Variants in MYO1E observed in about 807,000 individuals in gnomAD.
MYO1E encodes the protein myosin IE.
A neutral mutation model predicts 151.1 loss-of-function variants in MYO1E; 68 were observed. That is an observed-to-expected ratio of 0.45 (90% CI 0.37 to 0.55). MYO1E has a LOEUF of 0.55. Among genes scored for constraint, MYO1E ranks in the 20% least tolerant of loss-of-function variants. The probability of loss-of-function intolerance (pLI) is 0.00; values close to 1 mark genes in which losing one functional copy is unlikely to be tolerated. For synonymous variants in MYO1E, 601 were observed against 501.7 expected (o/e 1.20, Z -2.64); for missense variants, 1,363 against 1,389.3 (o/e 0.98, Z 0.30).
chr15:59,208,268 T>C (rs1430885893), intron 14 of MYO1E: 1 of 608,690 alleles, frequency 1.6e-6, no homozygotes, highest in Non-Finnish European at 2.8e-6. Context: ...ACGATACTTA[T>C]TTACAATTCC....
In MYO1E at chr15:59,208,749, G is replaced by A. The variant is rs1244327750; in HGVS notation, c.1462C>T (p.Gln488Ter). ...DQTLLQKLQM[Q>*]IGSHEHFNSW... ...TTGAAGTGCTCATGACTCCCAATCT[G>A]CATCTGAAGTTTCTGGAGCAGCGTC... The change falls in exon 14 of 28, where the codon CAG becomes TAG. Residue 488 changes from glutamine (Q) to a stop codon, truncating the protein, a stop_gained. Coordinates refer to ENST00000288235, the MANE Select transcript of MYO1E (RefSeq NM_004998.4). LOFTEE classifies it high-confidence loss of function. The A allele has an allele frequency of 1.9e-6, 3 of 1,614,066 alleles. No homozygotes were observed. The highest frequency in any genetic ancestry group is 1.1e-5 in the South Asian group (1 of 91,080).
intron 4 of MYO1E, among the ~76,000 whole-genome samples, chr15:59,240,502 A>G (rs759665978): frequency 8.5e-5 from 13 of 152,248 alleles, no homozygotes; most frequent in Non-Finnish European, 1.3e-4. Context: ...AAGGACCATA[A>G]TTATTTTTCT....
At chr15:59,173,709 T>C in intron 21 of MYO1E, 37 bp downstream of exon 21, 1 of 1,608,774 alleles carries the variant, frequency 6.2e-7, no homozygotes, top group South Asian at 1.1e-5. Context: ...ATAAGGAATC[T>C]GTTTGGTGAT....
chr15:59,354,158 G>GA (rs1454629470), intron 1 of MYO1E, among the ~76,000 whole-genome samples: 2 of 152,126 alleles, frequency 1.3e-5, no homozygotes, highest in Admixed American at 6.5e-5. Flanking sequence ...AAAGTTCTCT[G>GA]AATGTAAATG....
chr15:59,292,970 T>G (rs1458617556), intron 1 of MYO1E, among the ~76,000 whole-genome samples: 1 of 152,174 alleles, frequency 6.6e-6, no homozygotes, highest in Non-Finnish European at 1.5e-5. Context: ...AGGCCTCGGC[T>G]CATAAACTGT....
intron 1 of MYO1E, among the ~76,000 whole-genome samples, chr15:59,304,167 G>A (rs1326800239): frequency 6.6e-6 from 1 of 151,974 alleles, no homozygotes; most frequent in Non-Finnish European, 1.5e-5. Flanking sequence ...ATTTTTAGTA[G>A]AGATGAGGTT....
At chr15:59,269,754 G>C (rs1355277476) in intron 2 of MYO1E, among the ~76,000 whole-genome samples, 1 of 152,082 alleles carries the variant, frequency 6.6e-6, no homozygotes, top group Non-Finnish European at 1.5e-5. Flanking sequence ...CAGCTACTCG[G>C]GAGGCTGAGG....
At chr15:59,168,632 ACT>A (rs1430154980) in intron 22 of MYO1E, among the ~76,000 whole-genome samples, 1 of 151,322 alleles carries the variant, frequency 6.6e-6, no homozygotes, top group Admixed American at 6.6e-5. Context: ...CTACAACCTC[ACT>A]CTCCCTGCTT....
chr15:59,145,548 G>A (rs894062036), intron 26 of MYO1E, among the ~76,000 whole-genome samples: 6 of 152,012 alleles, frequency 3.9e-5, no homozygotes, highest in African/African-American at 7.2e-5. Context: ...CAACAAGCCC[G>A]GCTAATTTTT....
rs148969113 is a variant in MYO1E at position 59,159,856 on chromosome 15, A to G, written c.2785+1217T>C. ...TGAGAAATGGCTAATTAATTAATTA[A>G]TTTTTGAGATGGAGTTTCGCTCTTG... On this transcript the variant is annotated intron_variant, in intron 24 of 27. Coordinates refer to ENST00000288235, the MANE Select transcript of MYO1E (RefSeq NM_004998.4). The surrounding 1 kb of genome is among the most constrained non-coding windows in gnomAD (Gnocchi z 4.4). Among the ~76,000 whole-genome samples the G allele has an allele frequency of 1.6e-3, 251 of 152,190 alleles. 1 individual carries two copies. The highest frequency in any genetic ancestry group is 5.7e-3 in the African/African-American group (237 of 41,528).
chr15:59,213,219 G>C (rs1243131029), intron 12 of MYO1E, among the ~76,000 whole-genome samples: 3 of 151,366 alleles, frequency 2.0e-5, no homozygotes, highest in Non-Finnish European at 2.9e-5. Flanking sequence ...CGCCAAGGCT[G>C]GAGTGCAGTG....
chr15:59,323,230 T>C (rs906208399), intron 1 of MYO1E, among the ~76,000 whole-genome samples: 1 of 114,770 alleles, frequency 8.7e-6, no homozygotes, highest in Admixed American at 8.4e-5. Context: ...AAAATGGAAA[T>C]AAGATTGACA....
intron 1 of MYO1E, among the ~76,000 whole-genome samples, chr15:59,320,279 T>C (rs2080617548): frequency 1.3e-5 from 2 of 152,088 alleles, no homozygotes; most frequent in Non-Finnish European, 2.9e-5. Context: ...GCTATTTCTA[T>C]CAAACAACCA....
At chr15:59,158,485 T>G (rs2079520655) in intron 24 of MYO1E, 106 bp from the exon 25 acceptor site, 1 of 826,544 alleles carries the variant, frequency 1.2e-6, no homozygotes, top group Non-Finnish European at 2.0e-6. Flanking sequence ...ATTCCAGCTC[T>G]CAGGTGGATC....
In MYO1E at chr15:59,372,644, T is replaced by G. The variant is rs1201257331; in HGVS notation, c.-144A>C. ...ACACCCAAGCACTCACAGGAGCCAA[T>G]GGGAACCCAGAGGGGACTCCATCCA... On this transcript the variant is annotated 5_prime_UTR_variant, in exon 1 of 28. Transcript: ENST00000288235. 1 of 1,070,454 alleles carries G rather than the reference T, an allele frequency of 9.3e-7. No individual in the cohort carries two copies. The highest frequency in any genetic ancestry group is 2.4e-5 in the Admixed American group (1 of 42,370). The allele number at this position is 1,070,454 out of a possible 1,614,324, so 66.3% of individuals were successfully genotyped here.
chr15:59,170,710 TCACTG>T (rs2079588262), intron 22 of MYO1E, among the ~76,000 whole-genome samples: 1 of 152,162 alleles, frequency 6.6e-6, no homozygotes, highest in African/African-American at 2.4e-5. Flanking sequence ...TTTAAATACT[TCACTG>T]CACTGCACTG....
chr15:59,158,685 A>G (rs534046744), intron 24 of MYO1E, among the ~76,000 whole-genome samples: 2 of 152,212 alleles, frequency 1.3e-5, no homozygotes, highest in Non-Finnish European at 2.9e-5. Flanking sequence ...AAAGAGACAG[A>G]TGGAACATTT....
rs1401848529 is a variant in MYO1E, at chr15:59,316,610, A to AT, written c.4-44162dup. On this transcript the variant is annotated intron_variant, in intron 1 of 27. Transcript: ENST00000288235. ...TACATTTGTCTTTCCTACATTATTT[A>AT]TTTTTTATTTTTCGGAAGTCTGATC... Among the ~76,000 whole-genome samples, 8 of 152,270 alleles carry AT rather than the reference A, an allele frequency of 5.3e-5. No individual in the cohort carries two copies. The East Asian group carries it at 1.2e-3, about 22-fold the overall frequency.
chr15:59,270,463 A>T (rs1308302854), intron 2 of MYO1E, among the ~76,000 whole-genome samples: 1 of 148,504 alleles, frequency 6.7e-6, no homozygotes, highest in African/African-American at 2.5e-5. Flanking sequence ...AGATCACCTG[A>T]GCCGGGGAGG....
Sources: allele counts gnomAD v4.1 joint callset (sites outside exome capture counted in the v4.1 genomes callset), GRCh38; gene constraint gnomAD v4.1.1; non-coding constraint Gnocchi (gnomAD v3.1); transcripts MANE v1.5; gene names NCBI Gene and HGNC (gene_info 2026-07-23, HGNC 2026-07-21).